TULP4: variants seen among roughly 807,000 people sequenced by gnomAD.
TULP4 encodes the protein TUB like protein 4.
TULP4 carries 16 observed loss-of-function variants against 129.0 expected under a neutral mutation model. The observed-to-expected ratio is 0.12, with a 90% confidence interval of 0.08 to 0.19. The LOEUF (loss-of-function observed/expected upper bound fraction) is 0.19. TULP4 is among the 10% of genes least tolerant of loss of function. TULP4 has a pLI of 1.00. For missense variants in TULP4, 1,842 were observed against 2,059.1 expected (o/e 0.89, Z 2.04); for synonymous variants, 998 against 854.0 (o/e 1.17, Z -2.94).
intron 12 of TULP4, among the ~76,000 whole-genome samples, chr6:158,500,175 A>G (rs1022267179): frequency 6.6e-6 from 1 of 152,190 alleles, no homozygotes; most frequent in African/African-American, 2.4e-5. Flanking sequence ...GTGGTTCTCA[A>G]TGAGAGGAGG....
chr6:158,349,986 C>T (rs1282516435), intron 1 of TULP4, among the ~76,000 whole-genome samples: 7 of 138,616 alleles, frequency 5.0e-5, no homozygotes, highest in Non-Finnish European at 7.7e-5. Flanking sequence ...ACGGGGCGGC[C>T]GGGCAGAGGC....
intron 6 of TULP4, among the ~76,000 whole-genome samples, chr6:158,465,651 A>AG (rs34994601): frequency 0.18 from 26,728 of 152,200 alleles, 2,782 homozygotes; most frequent in Middle Eastern, 0.26. Context: ...AGCCAGTATG[A>AG]GTGATGCTGG....
intron 1 of TULP4, among the ~76,000 whole-genome samples, chr6:158,274,266 AAAAAC>A (rs1375597588): frequency 3.9e-5 from 6 of 151,942 alleles, no homozygotes; most frequent in African/African-American, 1.2e-4. Context: ...TCAAAAAAAC[AAAAAC>A]AAAACAAAAC....
chr6:158,270,964 A>G (rs748913116), intron 1 of TULP4, among the ~76,000 whole-genome samples: 9 of 152,148 alleles, frequency 5.9e-5, no homozygotes, highest in Non-Finnish European at 1.0e-4. Context: ...AGCCTGGCCA[A>G]CATGGTGAAA....
At chr6:158,492,389 C>T (rs982164459) in intron 9 of TULP4, among the ~76,000 whole-genome samples, 8 of 152,166 alleles carry the variant, frequency 5.3e-5, no homozygotes, top group African/African-American at 1.4e-4. Flanking sequence ...GGTAAATGCT[C>T]ATTTTTAAAT....
At chr6:158,436,092 T>C (rs1778746299) in intron 3 of TULP4, among the ~76,000 whole-genome samples, 1 of 152,174 alleles carries the variant, frequency 6.6e-6, no homozygotes, top group African/African-American at 2.4e-5. Flanking sequence ...AATTTTCGTA[T>C]TTTTAGTAAA....
intron 1 of TULP4, among the ~76,000 whole-genome samples, chr6:158,393,507 T>G (rs2114956130): frequency 6.6e-6 from 1 of 152,302 alleles, no homozygotes; most frequent in Non-Finnish European, 1.5e-5. Context: ...TCCCTGGACA[T>G]CCAGGCATTT....
chr6:158,240,553 G>A lies in TULP4; in HGVS notation n.68+8250G>A, dbSNP rs1444075955. Among the ~76,000 whole-genome samples, 4 of 95,772 alleles carry A rather than the reference G, an allele frequency of 4.2e-5. 1 individual carries two copies. Among genetic ancestry groups the A allele is most frequent in the African/African-American group, 9.9e-5 (3 of 30,280 alleles). The allele number at this position is 95,772 out of a possible 152,430, so 62.8% of individuals were successfully genotyped here. A position where few individuals can be genotyped will look rare whatever the true frequency, so the allele number is the denominator to read the frequency against. On this transcript the variant is annotated intron_variant and non_coding_transcript_variant, in intron 1 of 1. Coordinates refer to the TULP4 transcript ENST00000620026. ...CCCCACCTCCCTCCCGGACGGGGGC[G>A]GCTGGCCGGGCAGAGGGGCTCCTCA...
chr6:158,239,578 G>A (rs1390451008), intron 1 of TULP4, among the ~76,000 whole-genome samples: 1 of 56,036 alleles, frequency 1.8e-5, no homozygotes, highest in African/African-American at 5.9e-5. Flanking sequence ...GCGGCTGGCC[G>A]GGCAGGGGGG....
intron 5 of TULP4, among the ~76,000 whole-genome samples, chr6:158,456,851 T>A (rs954723947): frequency 4.9e-5 from 7 of 144,318 alleles, no homozygotes; most frequent in South Asian, 4.5e-4. Context: ...AAAAAAAAAA[T>A]GTTCAGTGTA....
At chr6:158,499,338 A>G (rs1031395852) in intron 12 of TULP4, among the ~76,000 whole-genome samples, 9 of 152,224 alleles carry the variant, frequency 5.9e-5, no homozygotes, top group African/African-American at 2.2e-4. Flanking sequence ...CCGCAACCGC[A>G]TGTCTCAGTG....
At chr6:158,400,275 A>G (rs1056345512) in intron 1 of TULP4, among the ~76,000 whole-genome samples, 4 of 152,244 alleles carry the variant, frequency 2.6e-5, no homozygotes, top group African/African-American at 9.7e-5. Flanking sequence ...GGTTAAAAAA[A>G]GTTGAACAGG....
At chr6:158,284,821 A>G (rs907572264) in intron 1 of TULP4, among the ~76,000 whole-genome samples, 11 of 152,210 alleles carry the variant, frequency 7.2e-5, no homozygotes, top group African/African-American at 2.7e-4. Flanking sequence ...CTGAGACCAC[A>G]GTGGTTAAGT....
intron 3 of TULP4, among the ~76,000 whole-genome samples, chr6:158,436,745 G>A (rs1362232727): frequency 6.6e-6 from 1 of 152,220 alleles, no homozygotes; most frequent in Non-Finnish European, 1.5e-5. Context: ...AAAGTAGAAA[G>A]AATCCGGGCT....
rs60383663 is a variant in TULP4 at position 158,334,602 on chromosome 6, C to CGCAT, written c.252+20335_252+20338dup. ...TGTGGGGGTTGGCACCCCTAACCCC[C>CGCAT]GCATTGTTCAGGGGTTAGCTGTAGT... On this transcript the variant is annotated intron_variant, in intron 1 of 13. Coordinates refer to ENST00000367097, the MANE Select transcript of TULP4 (RefSeq NM_020245.5). Among the ~76,000 whole-genome samples, 11 of 3,872 alleles carry CGCAT rather than the reference C, an allele frequency of 2.8e-3. No individual in the cohort carries two copies. In the East Asian group the frequency reaches 0.044, roughly 16 times the overall value. 2.5% of individuals were successfully genotyped at this position (3,872 alleles called of 152,430 possible).
intron 1 of TULP4, among the ~76,000 whole-genome samples, chr6:158,369,809 G>A (rs2114870948): frequency 6.6e-6 from 1 of 152,276 alleles, no homozygotes. Context: ...GTGGCAAGCA[G>A]ACAGAGGGGG....
At chr6:158,305,324 CGT>C (rs34836137) in intron 1 of TULP4, among the ~76,000 whole-genome samples, 5,949 of 141,712 alleles carry the variant, frequency 0.042, 134 homozygotes, top group South Asian at 0.07. Context: ...ATTCTGTGTG[CGT>C]GTGTGTGTGT....
intron 1 of TULP4, among the ~76,000 whole-genome samples, chr6:158,332,184 AAAAAAAAAAAAAAAAAATATATATAT>A (rs1562523630): frequency 2.2e-4 from 10 of 44,536 alleles, no homozygotes; most frequent in South Asian, 1.5e-3. Flanking sequence ...AAAAAAAAAA[AAAAAAAAAAAAAAAAAATATATATAT>A]ATATATATAT....
intron 1 of TULP4, among the ~76,000 whole-genome samples, chr6:158,294,935 TC>T (rs1012150386): frequency 6.6e-6 from 1 of 152,114 alleles, no homozygotes; most frequent in African/African-American, 2.4e-5. Context: ...GTTGCCCAGG[TC>T]CTGGGCTCAA....
Sources: allele counts gnomAD v4.1 joint callset (sites outside exome capture counted in the v4.1 genomes callset), GRCh38; gene constraint gnomAD v4.1.1; transcripts MANE v1.5; gene names NCBI Gene and HGNC (gene_info 2026-07-23, HGNC 2026-07-21).